Variants in STMN4 observed in about 807,000 individuals in gnomAD.
The protein encoded by STMN4 is stathmin 4.
STMN4 carries 12 observed loss-of-function variants against 29.1 expected under a neutral mutation model. That is an observed-to-expected ratio of 0.41 (90% CI 0.26 to 0.67). The LOEUF (loss-of-function observed/expected upper bound fraction) is 0.67. Among genes scored for constraint, STMN4 ranks in the 30% least tolerant of loss-of-function variants. The probability of loss-of-function intolerance (pLI) is 0.30; values close to 1 mark genes in which losing one functional copy is unlikely to be tolerated. For synonymous variants in STMN4, 114 were observed against 105.3 expected, an observed-to-expected ratio of 1.08 and a Z score of -0.51; for missense variants, 181 against 262.8, an observed-to-expected ratio of 0.69 and a Z score of 2.15.
intron 6 of STMN4, chr8:27,239,275 G>T: frequency 6.5e-7 from 1 of 1,535,658 alleles, no homozygotes; most frequent in Non-Finnish European, 8.7e-7. Flanking sequence ...CGCAGCAGGC[G>T]GTTCCTGGAA....
chr8:27,252,876 A>G (rs1185372697), intron 1 of STMN4, among the ~76,000 whole-genome samples: 1 of 152,226 alleles, frequency 6.6e-6, no homozygotes, highest in African/African-American at 2.4e-5. Context: ...CCTCCCTTCT[A>G]TGGGTGCATT....
chr8:27,248,380 C>T (rs562671155), intron 1 of STMN4, among the ~76,000 whole-genome samples: 2 of 152,140 alleles, frequency 1.3e-5, no homozygotes, highest in African/African-American at 2.4e-5. Flanking sequence ...GACTGTGAAC[C>T]TGACTGTGTG....
rs1317461692 is a variant in STMN4 at position 27,236,344 on chromosome 8, A to G, written c.*502T>C. The G allele has an allele frequency of 6.6e-6, 1 of 152,044 alleles. No individual in the cohort carries two copies. The allele number at this position is 152,044 out of a possible 1,614,324, so 9.4% of individuals were successfully genotyped here. On this transcript the variant is annotated 3_prime_UTR_variant, in exon 7 of 7. Transcript: ENST00000350889. ...CATGATGATCAAAAAATGATGGTTC[A>G]CACACACACACAGACCTCATCCCAC...
chr8:27,253,023 T>C (rs886393367), intron 1 of STMN4, among the ~76,000 whole-genome samples: 2 of 152,242 alleles, frequency 1.3e-5, no homozygotes, highest in African/African-American at 2.4e-5. Flanking sequence ...GGACAACCAA[T>C]GAACCTTGTA....
chr8:27,256,269 A>G (rs774069308), intron 1 of STMN4, among the ~76,000 whole-genome samples: 4 of 152,182 alleles, frequency 2.6e-5, no homozygotes, highest in Non-Finnish European at 5.9e-5. Context: ...AAATGAAAAG[A>G]GTTCTGAAGA....
At chr8:27,248,212 G>A (rs1801683967) in intron 1 of STMN4, among the ~76,000 whole-genome samples, 1 of 151,524 alleles carries the variant, frequency 6.6e-6, no homozygotes, top group Non-Finnish European at 1.5e-5. Flanking sequence ...GGTAGAGAGA[G>A]GACTCTATTT....
intron 1 of STMN4, among the ~76,000 whole-genome samples, chr8:27,246,696 G>A (rs1801632760): frequency 6.6e-6 from 1 of 152,178 alleles, no homozygotes; most frequent in African/African-American, 2.4e-5. Flanking sequence ...AGGCAGAGAT[G>A]GGAGTAAGGC....
intron 1 of STMN4, among the ~76,000 whole-genome samples, chr8:27,248,099 T>C (rs894689549): frequency 5.9e-5 from 9 of 152,314 alleles, no homozygotes; most frequent in African/African-American, 2.2e-4. Context: ...TGCCTGGTGG[T>C]CACTGTCAAG....
chr8:27,241,324 T>C, intron 4 of STMN4, 62 bp from the exon 5 acceptor site: 1 of 1,601,268 alleles, frequency 6.2e-7, no homozygotes, highest in Non-Finnish European at 8.5e-7. Flanking sequence ...CCAGCAAGCA[T>C]GCGGCGCATG....
chr8:27,247,560 G>T (rs191349505), intron 1 of STMN4, among the ~76,000 whole-genome samples: 1 of 152,324 alleles, frequency 6.6e-6, no homozygotes, highest in East Asian at 1.9e-4. Context: ...ACCTGGCCTG[G>T]TTGTGTGATG....
chr8:27,245,992 G>A (rs1586012780), intron 1 of STMN4, among the ~76,000 whole-genome samples: 1 of 152,248 alleles, frequency 6.6e-6, no homozygotes, highest in Middle Eastern at 3.4e-3. Flanking sequence ...TCAGACGCTT[G>A]CTTAAGGTCA....
At chr8:27,241,385 T>C (rs1801466376) in intron 4 of STMN4, 123 bp from the exon 5 acceptor site, 2 of 1,173,980 alleles carry the variant, frequency 1.7e-6, no homozygotes, top group Admixed American at 1.9e-5. Flanking sequence ...GACTGGGGTC[T>C]GGCTTAGTCC....
intron 2 of STMN4, among the ~76,000 whole-genome samples, 190 bp from the exon 3 acceptor site, chr8:27,242,682 G>T (rs1417360205): frequency 1.3e-5 from 2 of 152,120 alleles, no homozygotes; most frequent in African/African-American, 2.4e-5. Flanking sequence ...TGTGGGATTC[G>T]AACCCACTCC....
chr8:27,248,268 C>T (rs1034737952), intron 1 of STMN4, among the ~76,000 whole-genome samples: 6 of 152,150 alleles, frequency 3.9e-5, no homozygotes, highest in African/African-American at 1.4e-4. Context: ...GCCAAGCCCT[C>T]TGCTAGATCT....
At chr8:27,242,249 G>T in intron 3 of STMN4, 148 bp downstream of exon 3, 2 of 802,016 alleles carry the variant, frequency 2.5e-6, no homozygotes, top group Admixed American at 4.6e-5. Flanking sequence ...TCAGACCCTC[G>T]GGCTCACCCG....
In STMN4 at chr8:27,236,735, C is replaced by T; in HGVS notation, c.*111G>A. 2 of 997,604 alleles carry T rather than the reference C, an allele frequency of 2.0e-6. No homozygotes were observed. The highest frequency in any genetic ancestry group is 3.0e-5 in the East Asian group (1 of 33,424). The allele number at this position is 997,604 out of a possible 1,614,324, so 61.8% of individuals were successfully genotyped here. A position where few individuals can be genotyped will look rare whatever the true frequency, so the allele number is the denominator to read the frequency against. Reference sequence around the variant, plus strand: ...CAGAGGAAACGCCCCTTGGCCACCCCCCTCCCCCCAAACCCCAGTGCTGGG... The same window carrying T: ...CAGAGGAAACGCCCCTTGGCCACCCTCCTCCCCCCAAACCCCAGTGCTGGG... On this transcript the variant is annotated 3_prime_UTR_variant, in exon 7 of 7. Transcript: ENST00000350889.
chr8:27,242,532 T>G, intron 2 of STMN4, 40 bp from the exon 3 acceptor site: 4 of 1,601,006 alleles, frequency 2.5e-6, no homozygotes, highest in Non-Finnish European at 3.4e-6. Flanking sequence ...GCGCCTCTCC[T>G]AGCCTCAGAA....
chr8:27,242,414 G>C lies in STMN4; in HGVS notation c.92C>G (p.Ser31Trp). The C allele has an allele frequency of 6.2e-7, 1 of 1,614,194 alleles. No homozygotes were observed. Among genetic ancestry groups the C allele is most frequent in the Non-Finnish European group, 8.5e-7 (1 of 1,180,026 alleles). ...TCACTGACCTTCATATTTGTAGGAC[G>C]ACTTATTCAGGGGATCGGCCAGGAA... ...SCFLADPLNKSSYKYEGWCGR... is the reference protein window; with the variant it reads ...SCFLADPLNKWSYKYEGWCGR... Residue 31 changes from serine to tryptophan, a missense_variant, in exon 3 of 7, where the codon TCG becomes TGG. Ser to Trp is a radical substitution (Grantham distance 177). Transcript: ENST00000350889.
chr8:27,243,584 A>C (rs1430305599), intron 2 of STMN4, 127 bp downstream of exon 2: 9 of 993,454 alleles, frequency 9.1e-6, no homozygotes, highest in Non-Finnish European at 1.3e-5. Flanking sequence ...TCCCATCACT[A>C]CCTGCACCCC....
Sources: gnomAD v4.1 joint callset for allele counts (sites outside exome capture counted in the v4.1 genomes callset) on GRCh38, gnomAD v4.1.1 for gene constraint, MANE v1.5 for transcripts, NCBI Gene and HGNC (gene_info 2026-07-23, HGNC 2026-07-21) for gene names.